RABGAP1L: variants seen among roughly 807,000 people sequenced by gnomAD.
The protein encoded by RABGAP1L is RAB GTPase activating protein 1 like.
RABGAP1L carries 63 observed loss-of-function variants against 137.7 expected under a neutral mutation model. That is an observed-to-expected ratio of 0.46 (90% CI 0.37 to 0.56). RABGAP1L has a LOEUF of 0.56. RABGAP1L is among the 20% of genes least tolerant of loss of function. The pLI is 0.00. For missense variants in RABGAP1L, 1,095 were observed against 1,244.0 expected (o/e 0.88, Z 1.80); for synonymous variants, 431 against 433.7 (o/e 0.99, Z 0.08).
At chr1:174,215,135 T>C (rs1002065861) in intron 1 of RABGAP1L, among the ~76,000 whole-genome samples, 1 of 152,020 alleles carries the variant, frequency 6.6e-6, no homozygotes, top group African/African-American at 2.4e-5. Flanking sequence ...CGCAAACAAC[T>C]CTATAGGAAA....
At chr1:174,256,904 C>T (rs1197356013) in intron 7 of RABGAP1L, among the ~76,000 whole-genome samples, 1 of 152,160 alleles carries the variant, frequency 6.6e-6, no homozygotes, top group African/African-American at 2.4e-5. Context: ...ATGATGATTG[C>T]AAAATGATTA....
At chr1:174,513,327 A>T (rs986645070) in intron 13 of RABGAP1L, among the ~76,000 whole-genome samples, 4 of 152,140 alleles carry the variant, frequency 2.6e-5, no homozygotes, top group African/African-American at 9.7e-5. Context: ...GGCCAGATGC[A>T]GTAGCTCACG....
chr1:174,930,590 T>C (rs1353978627), intron 19 of RABGAP1L, among the ~76,000 whole-genome samples: 1 of 152,194 alleles, frequency 6.6e-6, no homozygotes, highest in Non-Finnish European at 1.5e-5. Context: ...GTGCTGGGAT[T>C]ATAGGCATGA....
At position 174,438,744 on chromosome 1, in the gene RABGAP1L, G is replaced by GTATATATATATATATATA. The variant is rs71117563; in HGVS notation, c.1710+44615_1710+44632dup. Among the ~76,000 whole-genome samples, 282 of 95,336 alleles carry GTATATATATATATATATA rather than the reference G, an allele frequency of 3.0e-3. 7 individuals carry two copies. Among genetic ancestry groups the GTATATATATATATATATA allele is most frequent in the African/African-American group, 8.1e-3 (170 of 20,986 alleles). 62.5% of individuals were successfully genotyped at this position (95,336 alleles called of 152,430 possible). On this transcript the variant is annotated intron_variant, in intron 13 of 25. Coordinates refer to ENST00000681986, the MANE Select transcript of RABGAP1L (RefSeq NM_001366446.1). ...AAAAACCCAAAAAAAGTGTGTGTGT[G>GTATATATATATATATATA]TATATATATATATATATATATATAT...
Position 174,252,559 on chromosome 1 carries a change from C to T in RABGAP1L, c.955C>T (p.Gln319Ter). 1 of 1,609,342 alleles carries T rather than the reference C, an allele frequency of 6.2e-7. No homozygotes were observed. Among genetic ancestry groups the T allele is most frequent in the South Asian group, 1.1e-5 (1 of 89,758 alleles). The change falls in exon 7 of 26, where the codon CAA becomes TAA. Residue 319 changes from glutamine to a stop codon, truncating the protein, a stop_gained. Coordinates refer to ENST00000681986, the MANE Select transcript of RABGAP1L (RefSeq NM_001366446.1). LOFTEE classifies it high-confidence loss of function. ...GAAGAAGGTTGTGATTACAGTGCAG[C>T]AACTTTCTAACAAAGAATTAGCTAT... ...IEKKVVITVQ[Q>*]LSNKELAIER...
intron 19 of RABGAP1L, among the ~76,000 whole-genome samples, chr1:174,871,723 T>C (rs768612094): frequency 6.6e-6 from 1 of 152,248 alleles, no homozygotes; most frequent in Non-Finnish European, 1.5e-5. Flanking sequence ...CATTTGATTG[T>C]TAGTGAAATG....
intron 13 of RABGAP1L, among the ~76,000 whole-genome samples, chr1:174,503,669 A>AAAAAAG (rs1394236876): frequency 6.6e-6 from 1 of 151,294 alleles, no homozygotes; most frequent in African/African-American, 2.4e-5. Context: ...AAAAAAAAAA[A>AAAAAAG]AAAAAAGAAA....
At chr1:174,438,093 C>A (rs75176627) in intron 13 of RABGAP1L, among the ~76,000 whole-genome samples, 2 of 152,048 alleles carry the variant, frequency 1.3e-5, no homozygotes, top group Non-Finnish European at 2.9e-5. Context: ...AAGGAACAAC[C>A]GGTACCAGCC....
At chr1:174,673,171 A>G (rs1278796827) in intron 14 of RABGAP1L, among the ~76,000 whole-genome samples, 2 of 152,176 alleles carry the variant, frequency 1.3e-5, no homozygotes, top group Non-Finnish European at 1.5e-5. Context: ...ATATAACTAT[A>G]TAAATTAAAT....
intron 14 of RABGAP1L, among the ~76,000 whole-genome samples, chr1:174,676,204 C>T (rs769336455): frequency 6.6e-6 from 1 of 152,120 alleles, no homozygotes; most frequent in African/African-American, 2.4e-5. Flanking sequence ...CTTCTATAGA[C>T]CTGTATATTG....
At chr1:174,738,761 A>C (rs371557516) in intron 17 of RABGAP1L, among the ~76,000 whole-genome samples, 1 of 152,186 alleles carries the variant, frequency 6.6e-6, no homozygotes, top group African/African-American at 2.4e-5. Context: ...ATGAACTTCT[A>C]TTGTGAACTT....
chr1:174,780,720 AC>A (rs1332463887), intron 18 of RABGAP1L, among the ~76,000 whole-genome samples: 2 of 25,344 alleles, frequency 7.9e-5, no homozygotes, highest in Non-Finnish European at 1.6e-4. Flanking sequence ...CCTCCCCCCC[AC>A]CCCCCCACCC....
intron 13 of RABGAP1L, among the ~76,000 whole-genome samples, chr1:174,614,944 C>G (rs777741960): frequency 1.2e-4 from 18 of 152,160 alleles, no homozygotes; most frequent in Non-Finnish European, 2.1e-4. Flanking sequence ...CCTTTAAGCA[C>G]TTCTCTATAT....
intron 18 of RABGAP1L, among the ~76,000 whole-genome samples, chr1:174,756,133 T>C (rs1010622814): frequency 6.6e-6 from 1 of 152,042 alleles, no homozygotes; most frequent in African/African-American, 2.4e-5. Flanking sequence ...TTTTGACTGG[T>C]TTTTATCCTA....
chr1:174,304,084 G>A (rs778747257), intron 10 of RABGAP1L, among the ~76,000 whole-genome samples: 3 of 152,032 alleles, frequency 2.0e-5, no homozygotes, highest in Non-Finnish European at 4.4e-5. Flanking sequence ...TTGAGGAAAC[G>A]TGCTTGTATT....
chr1:174,621,061 T>C (rs538113952), intron 13 of RABGAP1L, among the ~76,000 whole-genome samples: 2 of 152,044 alleles, frequency 1.3e-5, no homozygotes, highest in African/African-American at 2.4e-5. Flanking sequence ...CCTCGACACA[T>C]ACACCCTCCC....
chr1:174,165,939 G>C (rs1421368360), intron 1 of RABGAP1L, among the ~76,000 whole-genome samples: 2 of 152,198 alleles, frequency 1.3e-5, no homozygotes, highest in African/African-American at 2.4e-5. Context: ...AGTAGTGAAA[G>C]AGCTAGGCAA....
chr1:174,920,264 C>G (rs551042194), intron 19 of RABGAP1L, among the ~76,000 whole-genome samples: 1 of 152,292 alleles, frequency 6.6e-6, no homozygotes, highest in East Asian at 1.9e-4. Flanking sequence ...GCTGGGGAAG[C>G]CTCACAATCG....
At chr1:174,233,372 G>A (rs1052070696) in intron 4 of RABGAP1L, among the ~76,000 whole-genome samples, 16 of 148,386 alleles carry the variant, frequency 1.1e-4, no homozygotes, top group African/African-American at 2.0e-4. Flanking sequence ...CCACTAACTC[G>A]TCATCTAGCA....
Sources: allele counts gnomAD v4.1 joint callset (sites outside exome capture counted in the v4.1 genomes callset), GRCh38; gene constraint gnomAD v4.1.1; transcripts MANE v1.5; gene names NCBI Gene and HGNC (gene_info 2026-07-23, HGNC 2026-07-21).